The following TBC1D19 variants were observed in gnomAD, a reference collection of about 807,000 sequenced individuals.
TBC1D19 encodes the protein TBC1 domain family, member 19.
Under a neutral mutation model 89.0 loss-of-function variants are expected in TBC1D19, and 60 were observed. The observed-to-expected ratio is 0.67, with a 90% CI of 0.55 to 0.84. TBC1D19 has a LOEUF of 0.84. TBC1D19 is among the 40% of genes least tolerant of loss of function. The pLI is 0.00. For synonymous variants in TBC1D19, 189 were observed against 199.7 expected, an observed-to-expected ratio of 0.95 and a Z score of 0.45; for missense variants, 500 against 610.8, an observed-to-expected ratio of 0.82 and a Z score of 1.91.
chr4:26,583,997 T>A (rs1739247755), upstream of TBC1D19: 1 of 577,426 alleles, frequency 1.7e-6, no homozygotes, highest in Non-Finnish European at 3.1e-6. Context: ...GGAACGCAGA[T>A]GCTGTGGCCT....
At chr4:26,691,951 T>C (rs1714327135) in intron 13 of TBC1D19, among the ~76,000 whole-genome samples, 1 of 152,210 alleles carries the variant, frequency 6.6e-6, no homozygotes, top group African/African-American at 2.4e-5. Flanking sequence ...TAGTGAAAAC[T>C]ATTTTTTTAA....
the TBC1D19 span, among the ~76,000 whole-genome samples, chr4:26,840,106 G>T: frequency 6.6e-6 from 1 of 150,874 alleles, no homozygotes; most frequent in South Asian, 2.1e-4. Context: ...CTTTTTGACT[G>T]AGTTATACTC....
chr4:26,767,321 A>T, the TBC1D19 span, among the ~76,000 whole-genome samples: 1 of 152,194 alleles, frequency 6.6e-6, no homozygotes, highest in Admixed American at 6.6e-5. Context: ...GTTTCTCAGC[A>T]TTGCATATAC....
intron 5 of TBC1D19, among the ~76,000 whole-genome samples, chr4:26,638,250 G>A (rs1006611384): frequency 3.3e-5 from 5 of 151,730 alleles, no homozygotes; most frequent in African/African-American, 1.2e-4. Context: ...ACAGGATGTA[G>A]TAGGTATACT....
At chr4:26,804,652 G>C in the TBC1D19 span, among the ~76,000 whole-genome samples, 2 of 152,100 alleles carry the variant, frequency 1.3e-5, no homozygotes, top group African/African-American at 2.4e-5. Context: ...ACGGCGCAGC[G>C]CAGGCCCGGC....
chr4:26,659,825 T>A, intron 8 of TBC1D19, 118 bp downstream of exon 8: 1 of 544,606 alleles, frequency 1.8e-6, no homozygotes, highest in Non-Finnish European at 3.0e-6. Context: ...ATTAATAAAG[T>A]GACGTTGATT....
At chr4:26,771,609 T>TA in the TBC1D19 span, among the ~76,000 whole-genome samples, 1 of 152,162 alleles carries the variant, frequency 6.6e-6, no homozygotes, top group African/African-American at 2.4e-5. Context: ...ATATGGTATC[T>TA]AAATAGTCAA....
chr4:26,672,946 GA>G (rs1463203384), intron 10 of TBC1D19, among the ~76,000 whole-genome samples: 4 of 151,646 alleles, frequency 2.6e-5, no homozygotes, highest in South Asian at 4.2e-4. Context: ...TTTAATATAA[GA>G]TTTTTTTTAA....
At chr4:26,614,119 A>C (rs1741535847) in intron 2 of TBC1D19, among the ~76,000 whole-genome samples, 1 of 152,182 alleles carries the variant, frequency 6.6e-6, no homozygotes, top group Admixed American at 6.5e-5. Context: ...TTCATTGAGC[A>C]CTTTGATAGT....
intron 1 of TBC1D19, among the ~76,000 whole-genome samples, chr4:26,590,256 T>C (rs1739679845): frequency 6.6e-6 from 1 of 152,222 alleles, no homozygotes; most frequent in Non-Finnish European, 1.5e-5. Flanking sequence ...GTTCAGAATG[T>C]ATGATTTTTG....
At chr4:26,727,414 T>C (rs1212849127) in intron 15 of TBC1D19, among the ~76,000 whole-genome samples, 1 of 152,226 alleles carries the variant, frequency 6.6e-6, no homozygotes, top group Admixed American at 6.5e-5. Flanking sequence ...TTGGCTAAGC[T>C]GAGTGTGCCT....
intron 13 of TBC1D19, among the ~76,000 whole-genome samples, chr4:26,690,841 G>A (rs1329930650): frequency 6.6e-6 from 1 of 152,194 alleles, no homozygotes; most frequent in Non-Finnish European, 1.5e-5. Flanking sequence ...GCAGCCCATG[G>A]ATAAGGGAGT....
rs1023334020 is a variant in TBC1D19, at chr4:26,620,658, A to T, written c.264A>T (p.Lys88Asn). 6 of 1,613,648 alleles carry T rather than the reference A, an allele frequency of 3.7e-6. No homozygotes were observed. In the African/African-American group the frequency reaches 6.7e-5, roughly 18 times the overall value. ...CTGCTGCACCTCCTGAACATCTTAA[A>T]GAACCTTTGGTATACATGAGGAAAG... Reference protein sequence around the residue: ...SHPAAPPEHLKEPLVYMRKAQ... With the variant: ...SHPAAPPEHLNEPLVYMRKAQ... The change falls in exon 4 of 21, where the codon AAA (lysine) becomes AAT (asparagine). Residue 88 changes from lysine (K) to asparagine (N), a missense_variant. Lys to Asn is a moderately conservative substitution (Grantham distance 94). Coordinates refer to ENST00000264866, the MANE Select transcript of TBC1D19 (RefSeq NM_018317.4).
intron 10 of TBC1D19, among the ~76,000 whole-genome samples, chr4:26,673,446 T>TATATATATATATACACAC (rs373807642): frequency 1.1e-5 from 1 of 90,884 alleles, no homozygotes; most frequent in African/African-American, 4.3e-5. Flanking sequence ...TATATATATA[T>TATATATATATATACACAC]ACACACACAC....
At chr4:26,681,011 T>C (rs1003503438) in intron 11 of TBC1D19, among the ~76,000 whole-genome samples, 1 of 152,210 alleles carries the variant, frequency 6.6e-6, no homozygotes, top group Non-Finnish European at 1.5e-5. Flanking sequence ...GTATATGTTA[T>C]GAATGACAAA....
intron 4 of TBC1D19, among the ~76,000 whole-genome samples, chr4:26,622,107 G>A (rs1742090518): frequency 6.6e-6 from 1 of 151,984 alleles, no homozygotes; most frequent in Admixed American, 6.6e-5. Flanking sequence ...GGTGGGGGGA[G>A]AGGGGAGGGA....
the TBC1D19 span, among the ~76,000 whole-genome samples, chr4:26,770,551 A>G: frequency 2.0e-5 from 3 of 152,058 alleles, no homozygotes. Flanking sequence ...CCAATAATTG[A>G]TAAAGGGGTG....
the TBC1D19 span, among the ~76,000 whole-genome samples, chr4:26,823,092 G>A: frequency 1.1e-4 from 17 of 152,290 alleles, no homozygotes; most frequent in South Asian, 4.1e-4. Flanking sequence ...ACAGTTCCAC[G>A]TGGCTGGGGA....
chr4:26,792,423 G>C, the TBC1D19 span, among the ~76,000 whole-genome samples: 61 of 152,264 alleles, frequency 4.0e-4, no homozygotes, highest in African/African-American at 1.4e-3. Context: ...GAAAGAATAG[G>C]ATGAGAAGAA....
Sources: allele counts gnomAD v4.1 joint callset (sites outside exome capture counted in the v4.1 genomes callset), GRCh38; gene constraint gnomAD v4.1.1; transcripts MANE v1.5; gene names NCBI Gene and HGNC (gene_info 2026-07-23, HGNC 2026-07-21).